Variants in SLC44A5 observed in about 807,000 individuals in gnomAD.
The protein encoded by SLC44A5 is choline transporter-like protein 5.
A neutral mutation model predicts 101.8 loss-of-function variants in SLC44A5; 57 were observed. That is an observed-to-expected ratio of 0.56 (90% CI 0.45 to 0.70). SLC44A5 has a LOEUF of 0.70. Ranked by LOEUF, SLC44A5 falls within the 30% of genes least tolerant of loss-of-function variation. SLC44A5 has a pLI of 0.00. For synonymous variants in SLC44A5, 281 were observed against 290.9 expected (o/e 0.97, Z 0.35); for missense variants, 737 against 853.1 (o/e 0.86, Z 1.70).
intron 1 of SLC44A5, among the ~76,000 whole-genome samples, chr1:75,586,369 ATGTG>A (rs138209068): frequency 7.2e-6 from 1 of 138,834 alleles, no homozygotes; most frequent in African/African-American, 2.7e-5. Context: ...GTATGTATAT[ATGTG>A]TGTGTGTGTG....
chr1:75,558,818 C>T (rs1314199597), intron 1 of SLC44A5, among the ~76,000 whole-genome samples: 1 of 152,038 alleles, frequency 6.6e-6, no homozygotes, highest in Admixed American at 6.6e-5. Flanking sequence ...TGATCTTGGT[C>T]ACACATTCTT....
At chr1:75,444,990 A>G (rs1240128781) in intron 2 of SLC44A5, among the ~76,000 whole-genome samples, 3 of 152,188 alleles carry the variant, frequency 2.0e-5, no homozygotes, top group Admixed American at 2.0e-4. Flanking sequence ...AGGAGAGTAT[A>G]TTGAACAAGA....
rs147445528 is a variant in SLC44A5 at position 75,407,363 on chromosome 1, C to G, written c.14-10742G>C. On this transcript the variant is annotated intron_variant, in intron 2 of 23. Transcript: ENST00000370859. ...TCACAGAATTAGAAAAAAACTAACT[C>G]AAATTTCATATGGAACCAAAAAAGA... is the stretch of plus-strand genomic sequence containing the variant. Among the ~76,000 whole-genome samples the G allele has an allele frequency of 1.6e-3, 238 of 152,074 alleles. 1 individual carries two copies. Among genetic ancestry groups the G allele is most frequent in the African/African-American group, 5.3e-3 (219 of 41,538 alleles).
intron 2 of SLC44A5, among the ~76,000 whole-genome samples, chr1:75,475,821 G>T (rs560774985): frequency 1.3e-5 from 2 of 152,338 alleles, no homozygotes; most frequent in Admixed American, 1.3e-4. Flanking sequence ...TACTAATTAT[G>T]TGATGGTGGT....
At chr1:75,691,738 G>A in the SLC44A5 span, among the ~76,000 whole-genome samples, 2 of 152,184 alleles carry the variant, frequency 1.3e-5, no homozygotes, top group Non-Finnish European at 2.9e-5. Context: ...AGTGCCTGAT[G>A]AGGGCCCTTT....
intron 2 of SLC44A5, among the ~76,000 whole-genome samples, chr1:75,480,870 C>G (rs1032479015): frequency 4.6e-5 from 7 of 152,162 alleles, no homozygotes; most frequent in African/African-American, 1.4e-4. Flanking sequence ...ATCAAGCTAC[C>G]AATGACTTTC....
chr1:75,697,189 C>T, the SLC44A5 span, among the ~76,000 whole-genome samples: 1 of 152,122 alleles, frequency 6.6e-6, no homozygotes, highest in South Asian at 2.1e-4. Flanking sequence ...AAGAGGACTG[C>T]TTGAGGTCAG....
chr1:75,576,006 C>T (rs1266088313), intron 1 of SLC44A5, among the ~76,000 whole-genome samples: 1 of 151,488 alleles, frequency 6.6e-6, no homozygotes, highest in Non-Finnish European at 1.5e-5. Flanking sequence ...AATGTAGTAG[C>T]CAAAATGAGA....
chr1:75,209,638 T>C (rs1646815379), intron 23 of SLC44A5, among the ~76,000 whole-genome samples: 1 of 152,212 alleles, frequency 6.6e-6, no homozygotes, highest in Non-Finnish European at 1.5e-5. Context: ...TTATTGAGAA[T>C]TGATTTTAAC....
At chr1:75,623,609 C>T in the SLC44A5 span, among the ~76,000 whole-genome samples, 1 of 151,514 alleles carries the variant, frequency 6.6e-6, no homozygotes, top group Non-Finnish European at 1.5e-5. Context: ...TAAAATGGAC[C>T]ATCTTGGACA....
At chr1:75,632,399 G>A in the SLC44A5 span, among the ~76,000 whole-genome samples, 1 of 149,602 alleles carries the variant, frequency 6.7e-6, no homozygotes, top group Non-Finnish European at 1.5e-5. Flanking sequence ...TTTTGCTTGT[G>A]TTGTGTAACA....
At chr1:75,302,533 C>T (rs1282509269) in intron 4 of SLC44A5, among the ~76,000 whole-genome samples, 2 of 152,126 alleles carry the variant, frequency 1.3e-5, no homozygotes, top group African/African-American at 4.8e-5. Flanking sequence ...GGGAGGCATT[C>T]TAAGACCCCT....
intron 1 of SLC44A5, among the ~76,000 whole-genome samples, chr1:75,601,615 C>T (rs1674989197): frequency 6.6e-6 from 1 of 152,112 alleles, no homozygotes; most frequent in Non-Finnish European, 1.5e-5. Flanking sequence ...CAGGTAAGCA[C>T]AAATCAGCAA....
At chr1:75,388,552 G>A (rs565226536) in intron 3 of SLC44A5, among the ~76,000 whole-genome samples, 41 of 152,104 alleles carry the variant, frequency 2.7e-4, no homozygotes, top group Middle Eastern at 3.4e-3. Flanking sequence ...AGGCCGAGGC[G>A]GGTGGATCAC....
At chr1:75,218,234 C>A (rs1241108609) in intron 17 of SLC44A5, among the ~76,000 whole-genome samples, 1 of 152,044 alleles carries the variant, frequency 6.6e-6, no homozygotes, top group Non-Finnish European at 1.5e-5. Flanking sequence ...CCAAGTTAAT[C>A]CTTGATCTTT....
chr1:75,228,246 T>C (rs1647271833), intron 12 of SLC44A5, among the ~76,000 whole-genome samples: 1 of 152,176 alleles, frequency 6.6e-6, no homozygotes, highest in Non-Finnish European at 1.5e-5. Context: ...TGCAATTCTA[T>C]GATTTTTGAG....
upstream of SLC44A5, chr1:75,615,875 C>G (rs1041355259): frequency 3.0e-6 from 3 of 987,566 alleles, no homozygotes; most frequent in Non-Finnish European, 3.6e-6. Context: ...GGGGCTTTCT[C>G]TTCTTGGCCA....
At chr1:75,517,603 G>C (rs1337445413) in intron 2 of SLC44A5, among the ~76,000 whole-genome samples, 2 of 152,116 alleles carry the variant, frequency 1.3e-5, no homozygotes, top group African/African-American at 4.8e-5. Flanking sequence ...GACCCCGGGG[G>C]AGACAGCTGA....
At chr1:75,385,432 C>G (rs1570086041) in intron 3 of SLC44A5, among the ~76,000 whole-genome samples, 2 of 152,122 alleles carry the variant, frequency 1.3e-5, no homozygotes, top group Admixed American at 1.3e-4. Context: ...ACAAATATCT[C>G]TACGCAAATA....
Sources: gnomAD v4.1 joint callset for allele counts (sites outside exome capture counted in the v4.1 genomes callset) on GRCh38, gnomAD v4.1.1 for gene constraint, MANE v1.5 for transcripts, NCBI Gene and HGNC (gene_info 2026-07-23, HGNC 2026-07-21) for gene names.